Variants in SGCZ observed in about 807,000 individuals in gnomAD.
SGCZ encodes the protein sarcoglycan zeta.
A neutral mutation model predicts 41.3 loss-of-function variants in SGCZ; 40 were observed. That is an observed-to-expected ratio of 0.97 (90% CI 0.75 to 1.26). The LOEUF (loss-of-function observed/expected upper bound fraction) is 1.26. Ranked by LOEUF, SGCZ falls within the 50% of genes most tolerant of loss-of-function variation. SGCZ has a pLI of 0.00. For synonymous variants in SGCZ, 206 were observed against 137.5 expected, an observed-to-expected ratio of 1.50 and a Z score of -3.49; for missense variants, 552 against 369.8, an observed-to-expected ratio of 1.49 and a Z score of -4.04.
At chr8:14,531,227 T>A (rs1178639188) in intron 2 of SGCZ, among the ~76,000 whole-genome samples, 1 of 151,476 alleles carries the variant, frequency 6.6e-6, no homozygotes, top group Non-Finnish European at 1.5e-5. Flanking sequence ...CGTTTCCCCA[T>A]TCTAAGCCCA....
chr8:14,975,809 A>ATATACGTGTG (rs1181919961), intron 1 of SGCZ, among the ~76,000 whole-genome samples: 1 of 131,920 alleles, frequency 7.6e-6, no homozygotes, highest in African/African-American at 3.4e-5. Flanking sequence ...ATATATATAT[A>ATATACGTGTG]TGTGTGTGTG....
At chr8:14,164,186 T>A (rs1804135263) in intron 5 of SGCZ, among the ~76,000 whole-genome samples, 1 of 152,190 alleles carries the variant, frequency 6.6e-6, no homozygotes, top group Non-Finnish European at 1.5e-5. Flanking sequence ...TTATTATAAC[T>A]TCCCCCTTAC....
At chr8:15,128,326 TTTGGGGCCCA>T (rs1807779389) in intron 1 of SGCZ, among the ~76,000 whole-genome samples, 1 of 152,196 alleles carries the variant, frequency 6.6e-6, no homozygotes, top group African/African-American at 2.4e-5. Context: ...AGCTTTGAGA[TTTGGGGCCCA>T]TTTATTCTCA....
intron 1 of SGCZ, among the ~76,000 whole-genome samples, chr8:15,232,626 T>C (rs890470275): frequency 6.7e-6 from 1 of 149,994 alleles, no homozygotes; most frequent in Non-Finnish European, 1.5e-5. Context: ...CAAGATTATA[T>C]ATATATGGGT....
intron 1 of SGCZ, among the ~76,000 whole-genome samples, chr8:14,944,457 G>T (rs1563380924): frequency 6.6e-6 from 1 of 152,088 alleles, no homozygotes; most frequent in Non-Finnish European, 1.5e-5. Flanking sequence ...GAGTATACTG[G>T]AAAACTTTAA....
intron 3 of SGCZ, among the ~76,000 whole-genome samples, chr8:14,241,681 A>G: frequency 6.6e-6 from 1 of 151,974 alleles, no homozygotes; most frequent in East Asian, 1.9e-4. Flanking sequence ...TCTAGAGGAC[A>G]TATCCGCCTT....
chr8:14,666,484 C>G (rs1175865817), intron 1 of SGCZ, among the ~76,000 whole-genome samples: 1 of 152,096 alleles, frequency 6.6e-6, no homozygotes, highest in Non-Finnish European at 1.5e-5. Context: ...GTCTGCTTAA[C>G]AAACAGCAGG....
chr8:15,066,882 G>T (rs894270057), intron 1 of SGCZ, among the ~76,000 whole-genome samples: 1 of 152,138 alleles, frequency 6.6e-6, no homozygotes, highest in Admixed American at 6.6e-5. Context: ...TGTATCTAAA[G>T]TATGGCCTGA....
At chr8:14,220,761 T>G (rs1752551857) in intron 4 of SGCZ, among the ~76,000 whole-genome samples, 1 of 147,340 alleles carries the variant, frequency 6.8e-6, no homozygotes, top group South Asian at 2.2e-4. Context: ...CACTCCAGCC[T>G]GGGCGACAGA....
intron 1 of SGCZ, among the ~76,000 whole-genome samples, chr8:15,161,511 C>T (rs1487798915): frequency 6.6e-6 from 1 of 152,130 alleles, no homozygotes; most frequent in Non-Finnish European, 1.5e-5. Flanking sequence ...ACTTCTGTAT[C>T]CTCAGCAGTG....
At chr8:14,886,374 TAGAC>T (rs1469517810) in intron 1 of SGCZ, among the ~76,000 whole-genome samples, 13 of 152,148 alleles carry the variant, frequency 8.5e-5, no homozygotes, top group Admixed American at 8.5e-4. Context: ...TATGGTTTAT[TAGAC>T]AGAGGTGAAA....
intron 1 of SGCZ, among the ~76,000 whole-genome samples, chr8:14,732,460 G>A (rs1049877726): frequency 1.3e-5 from 2 of 152,134 alleles, no homozygotes; most frequent in African/African-American, 4.8e-5. Flanking sequence ...GAGTGGTGGG[G>A]AAAATTATTC....
chr8:14,371,595 G>A (rs1803911020), intron 2 of SGCZ, among the ~76,000 whole-genome samples: 1 of 151,984 alleles, frequency 6.6e-6, no homozygotes, highest in Non-Finnish European at 1.5e-5. Context: ...TCTTTCCCCA[G>A]GGGTAAAGAA....
intron 1 of SGCZ, among the ~76,000 whole-genome samples, chr8:14,864,524 A>C (rs1304374724): frequency 6.6e-6 from 1 of 152,160 alleles, no homozygotes; most frequent in East Asian, 1.9e-4. Flanking sequence ...TTCCTGTCCC[A>C]CTAGAATCTT....
chr8:15,088,571 G>C (rs962724935), intron 1 of SGCZ, among the ~76,000 whole-genome samples: 1 of 148,184 alleles, frequency 6.7e-6, no homozygotes, highest in Non-Finnish European at 1.5e-5. Context: ...TTAAATAAAA[G>C]ATGCTCTCAT....
chr8:14,549,304 A>T (rs1423042172), intron 2 of SGCZ, among the ~76,000 whole-genome samples: 3 of 152,066 alleles, frequency 2.0e-5, no homozygotes, highest in Non-Finnish European at 4.4e-5. Flanking sequence ...GACAGAAATT[A>T]TGCTGTTTTT....
At chr8:15,235,191 A>C (rs993836976) in intron 1 of SGCZ, among the ~76,000 whole-genome samples, 1 of 152,198 alleles carries the variant, frequency 6.6e-6, no homozygotes, top group Admixed American at 6.5e-5. Flanking sequence ...AACTCCGCTA[A>C]AAACAAGAAA....
At chr8:14,786,397 T>G (rs567441035) in intron 1 of SGCZ, among the ~76,000 whole-genome samples, 1 of 152,310 alleles carries the variant, frequency 6.6e-6, no homozygotes, top group East Asian at 1.9e-4. Flanking sequence ...AAATAAAGAT[T>G]TATTTATGAA....
Position 14,600,927 on chromosome 8 carries a change from G to A in SGCZ, c.40-46001C>T, listed in dbSNP as rs576803131. On this transcript the variant is annotated intron_variant, in intron 1 of 7. Coordinates refer to ENST00000382080, the MANE Select transcript of SGCZ (RefSeq NM_139167.4). ...TTTTTTTGATCAACTTAACCTCAAA[G>A]TAATCTTGATTCTGAATCGGAGATG... is the stretch of plus-strand genomic sequence containing the variant. Among the ~76,000 whole-genome samples, 4 of 151,362 alleles carry A rather than the reference G, an allele frequency of 2.6e-5. No individual in the cohort carries two copies. The South Asian group carries it at 8.3e-4, about 32-fold the overall frequency.
Sources: allele counts gnomAD v4.1 joint callset (sites outside exome capture counted in the v4.1 genomes callset), GRCh38; gene constraint gnomAD v4.1.1; transcripts MANE v1.5; gene names NCBI Gene and HGNC (gene_info 2026-07-23, HGNC 2026-07-21).